C17orf99: variants seen among roughly 807,000 people sequenced by gnomAD.
C17orf99 encodes the protein protein IL-40.
C17orf99 carries 18 observed loss-of-function variants against 22.6 expected under a neutral mutation model. The ratio of observed to expected loss-of-function variants is 0.80; its 90% CI spans 0.55 to 1.18. The LOEUF is 1.18. C17orf99 is among the 50% of genes most tolerant of loss of function. The pLI is 0.00. For synonymous variants in C17orf99, 147 were observed against 136.6 expected (o/e 1.08, Z -0.53); for missense variants, 328 against 342.7 (o/e 0.96, Z 0.34).
chr17:78,164,749 T>C (rs764383093), intron 4 of C17orf99: 20 of 1,303,120 alleles, frequency 1.5e-5, no homozygotes, highest in Non-Finnish European at 1.7e-5. Context: ...AGAGCTCAGG[T>C]GGTGGGGCTT....
chr17:78,153,117 A>G (rs2075498170), intron 2 of C17orf99, among the ~76,000 whole-genome samples: 1 of 151,944 alleles, frequency 6.6e-6, no homozygotes, highest in Non-Finnish European at 1.5e-5. Context: ...ATGATAGACC[A>G]TCCTTTATTG....
At position 78,166,250 on chromosome 17, in the gene C17orf99, A is replaced by G. The variant is rs2075617045; in HGVS notation, c.*204A>G. 5.3e-6 allele frequency: 2 copies of G among 374,362 alleles called. No individual in the cohort carries two copies. The highest frequency in any genetic ancestry group is 4.2e-5 in the African/African-American group (2 of 47,946). The allele number at this position is 374,362 out of a possible 1,614,324, so 23.2% of individuals were successfully genotyped here. A position where few individuals can be genotyped will look rare whatever the true frequency, so the allele number is the denominator to read the frequency against. On this transcript the variant is annotated 3_prime_UTR_variant, in exon 5 of 5. Coordinates refer to ENST00000340363, the MANE Select transcript of C17orf99 (RefSeq NM_001163075.2). ...AACCTTTGTGCTATCTATATTATCT[A>G]TATGAATCCCATCATATCAGGTTGT... is the stretch of plus-strand genomic sequence containing the variant.
rs999030740 is a variant in C17orf99, at chr17:78,164,771, C to T, written c.640+407C>T. 5 of 1,278,222 alleles carry T rather than the reference C, an allele frequency of 3.9e-6. No homozygotes were observed. In the African/African-American group the frequency reaches 4.6e-5, roughly 12 times the overall value. The allele number at this position is 1,278,222 out of a possible 1,614,324, so 79.2% of individuals were successfully genotyped here. ...AGGTGGTGGGGCTTGCAGGGCAGGG[C>T]TGTGGCCAGGGCAAAGAGCGGCCAT... On this transcript the variant is annotated intron_variant, in intron 4 of 4. Transcript: ENST00000340363.
rs1252681792 is a variant in C17orf99 at position 78,152,096 on chromosome 17, C to T, written c.70+5185C>T. ...CTTCCTGTCCCGAGGGCAGCCCTGT[C>T]GTCACTTTATCAAATTTTGAGTGTG... On this transcript the variant is annotated intron_variant, in intron 2 of 4. Coordinates refer to ENST00000340363, the MANE Select transcript of C17orf99 (RefSeq NM_001163075.2). 3.9e-5 allele frequency among the ~76,000 whole-genome samples: 6 copies of T among 152,140 alleles called. No homozygotes were observed. The East Asian group carries it at 5.8e-4, about 15-fold the overall frequency.
At chr17:78,154,204 C>T (rs1334874086) in intron 2 of C17orf99, among the ~76,000 whole-genome samples, 3 of 151,504 alleles carry the variant, frequency 2.0e-5, no homozygotes, top group East Asian at 1.9e-4. Context: ...GAATGACAGG[C>T]GTGAGCCACT....
rs1322816905 is a variant in C17orf99 at position 78,164,337 on chromosome 17, C to G, written c.613C>G (p.His205Asp). The change falls in exon 4 of 5, where the codon CAC (histidine) becomes GAC (aspartate). Residue 205 changes from histidine (H) to aspartate (D), a missense_variant. Coordinates refer to ENST00000340363, the MANE Select transcript of C17orf99 (RefSeq NM_001163075.2). ...CQAANNANVQHSALTVVPPGG... is the reference protein window; with the variant it reads ...CQAANNANVQDSALTVVPPGG... Reference sequence around the variant, plus strand: ...GGCTGCAAACAACGCCAATGTCCAGCACAGCGCCCTCACAGTGGTGCCCCC... The same window carrying G: ...GGCTGCAAACAACGCCAATGTCCAGGACAGCGCCCTCACAGTGGTGCCCCC... The G allele has an allele frequency of 6.4e-7, 1 of 1,551,566 alleles. No individual in the cohort carries two copies.
chr17:78,158,034 G>A, intron 2 of C17orf99: 1 of 1,365,854 alleles, frequency 7.3e-7, no homozygotes, highest in Non-Finnish European at 1.0e-6. Flanking sequence ...ATCCAGGATG[G>A]GCACCTATCA....
At chr17:78,157,824 A>AT in intron 2 of C17orf99, 1 of 763,100 alleles carries the variant, frequency 1.3e-6, no homozygotes, top group Non-Finnish European at 2.0e-6. Context: ...AAAAAAAAAA[A>AT]GAATGGCTTT....
At chr17:78,150,797 G>A (rs973900756) in intron 2 of C17orf99, among the ~76,000 whole-genome samples, 4 of 152,022 alleles carry the variant, frequency 2.6e-5, no homozygotes, top group African/African-American at 9.7e-5. Flanking sequence ...AGGATACAGG[G>A]GATTTTGATT....
chr17:78,148,645 G>C (rs2075454096), intron 2 of C17orf99, among the ~76,000 whole-genome samples: 1 of 152,122 alleles, frequency 6.6e-6, no homozygotes, highest in Non-Finnish European at 1.5e-5. Context: ...GTTTGGGAAG[G>C]GGCCGTGCAG....
chr17:78,155,542 C>T (rs2075518797), intron 2 of C17orf99, among the ~76,000 whole-genome samples: 1 of 152,026 alleles, frequency 6.6e-6, no homozygotes, highest in Admixed American at 6.6e-5. Flanking sequence ...GTCTGGAACC[C>T]CTGGGCTTAA....
intron 2 of C17orf99, among the ~76,000 whole-genome samples, chr17:78,153,111 T>C (rs1356198241): frequency 6.6e-6 from 1 of 151,330 alleles, no homozygotes; most frequent in East Asian, 2.0e-4. Flanking sequence ...AAAAAAATGA[T>C]AGACCATCCT....
At chr17:78,153,730 G>A (rs1280068891) in intron 2 of C17orf99, among the ~76,000 whole-genome samples, 3 of 152,092 alleles carry the variant, frequency 2.0e-5, no homozygotes, top group Non-Finnish European at 4.4e-5. Context: ...TCTGGCCCCT[G>A]CGATAGTTTC....
chr17:78,157,824 A>T, intron 2 of C17orf99: 1 of 763,090 alleles, frequency 1.3e-6, no homozygotes. Context: ...AAAAAAAAAA[A>T]GAATGGCTTT....
chr17:78,153,918 CTTT>C (rs532705146), intron 2 of C17orf99, among the ~76,000 whole-genome samples: 13 of 79,544 alleles, frequency 1.6e-4, no homozygotes, highest in African/African-American at 5.0e-4. Context: ...AGTATTCCTT[CTTT>C]TTTTTTTTTT....
At chr17:78,150,681 G>A (rs147245686) in intron 2 of C17orf99, among the ~76,000 whole-genome samples, 298 of 152,256 alleles carry the variant, frequency 2.0e-3, no homozygotes, top group African/African-American at 6.7e-3. Context: ...GAAGGCTGCC[G>A]GGATCCACAT....
chr17:78,147,732 C>A (rs925428671), intron 2 of C17orf99, among the ~76,000 whole-genome samples: 1 of 152,168 alleles, frequency 6.6e-6, no homozygotes, highest in African/African-American at 2.4e-5. Context: ...GTAATGATGA[C>A]GCCATTCTCA....
At chr17:78,164,954 T>G (rs2075607219) in intron 4 of C17orf99, 1 of 1,144,742 alleles carries the variant, frequency 8.7e-7, no homozygotes, top group Non-Finnish European at 1.1e-6. Flanking sequence ...TCTCCTAAGT[T>G]CTTTATGGGG....
chr17:78,150,814 G>A (rs1402459737), intron 2 of C17orf99, among the ~76,000 whole-genome samples: 3 of 152,032 alleles, frequency 2.0e-5, no homozygotes, highest in Admixed American at 2.0e-4. Context: ...GATTCCGGCT[G>A]AGCCTACACT....
Sources: gnomAD v4.1 joint callset for allele counts (sites outside exome capture counted in the v4.1 genomes callset) on GRCh38, gnomAD v4.1.1 for gene constraint, MANE v1.5 for transcripts, NCBI Gene and HGNC (gene_info 2026-07-23, HGNC 2026-07-21) for gene names.